The following BCAP29 variants were observed in gnomAD, a reference collection of about 807,000 sequenced individuals.
BCAP29 encodes the protein B-cell receptor-associated protein 29.
BCAP29 carries 34 observed loss-of-function variants against 31.8 expected under a neutral mutation model. The observed-to-expected ratio is 1.07, with a 90% confidence interval of 0.81 to 1.42. The LOEUF is 1.42. Among genes scored for constraint, BCAP29 ranks in the 40% most tolerant of loss-of-function variants. The pLI is 0.00. For synonymous variants in BCAP29, 104 were observed against 91.3 expected (o/e 1.14, Z -0.79); for missense variants, 314 against 269.2 (o/e 1.17, Z -1.16).
At chr7:107,595,768 C>T in intron 4 of BCAP29, 99 bp from the exon 5 acceptor site, 1 of 1,302,944 alleles carries the variant, frequency 7.7e-7, no homozygotes, top group Non-Finnish European at 1.1e-6. Flanking sequence ...TCTGCCACCA[C>T]CACACCTATA....
At chr7:107,612,437 A>ATATT (rs1554480153) in intron 6 of BCAP29, among the ~76,000 whole-genome samples, 2,779 of 112,216 alleles carry the variant, frequency 0.025, 146 homozygotes, top group Non-Finnish European at 0.036. Flanking sequence ...ATATATATAT[A>ATATT]TATTTATTTT....
chr7:107,583,300 T>A (rs3801949), intron 2 of BCAP29, among the ~76,000 whole-genome samples: 6,081 of 150,340 alleles, frequency 0.04, 302 homozygotes, highest in African/African-American at 0.11. Flanking sequence ...TTACATGGTT[T>A]TATATATATA....
intron 6 of BCAP29, among the ~76,000 whole-genome samples, chr7:107,608,100 A>G (rs1027375205): frequency 1.3e-5 from 2 of 151,970 alleles, no homozygotes; most frequent in African/African-American, 4.8e-5. Flanking sequence ...CTGAACTGTA[A>G]AGTTCCTCTT....
chr7:107,582,971 G>T (rs1806972087), intron 2 of BCAP29, among the ~76,000 whole-genome samples: 2 of 152,040 alleles, frequency 1.3e-5, no homozygotes, highest in African/African-American at 4.8e-5. Context: ...CCAATTTCAA[G>T]TAGTTACTTG....
At chr7:107,618,278 A>T in intron 7 of BCAP29, 50 bp from the exon 8 acceptor site, 2 of 1,310,248 alleles carry the variant, frequency 1.5e-6, no homozygotes, top group Non-Finnish European at 2.1e-6. Context: ...CATGTCTATG[A>T]ATCTGTTTCT....
At chr7:107,617,125 A>G (rs915857432) in intron 7 of BCAP29, among the ~76,000 whole-genome samples, 2 of 152,162 alleles carry the variant, frequency 1.3e-5, no homozygotes, top group African/African-American at 4.8e-5. Context: ...CCTCTATGGT[A>G]AAAAGCTCTA....
downstream of BCAP29, chr7:107,621,901 A>G (rs749419766): frequency 1.9e-6 from 1 of 534,760 alleles, no homozygotes; most frequent in East Asian, 5.4e-5. Flanking sequence ...TACTGCTGCC[A>G]TAGTAAATTA....
intron 6 of BCAP29, among the ~76,000 whole-genome samples, chr7:107,609,719 A>G (rs1812791445): frequency 6.6e-6 from 1 of 152,218 alleles, no homozygotes; most frequent in Non-Finnish European, 1.5e-5. Context: ...GCATTACTGT[A>G]GATTAACAAT....
At chr7:107,584,022 T>A (rs1208108166) in intron 3 of BCAP29, 40 bp downstream of exon 3, 1 of 1,144,900 alleles carries the variant, frequency 8.7e-7, no homozygotes, top group Non-Finnish European at 1.2e-6. Context: ...TATAACTTTT[T>A]TTAAATGAAT....
chr7:107,584,434 C>A (rs891826152), intron 3 of BCAP29, among the ~76,000 whole-genome samples: 2 of 152,114 alleles, frequency 1.3e-5, no homozygotes, highest in South Asian at 4.1e-4. Context: ...CATGGCCGGG[C>A]GAGGTGGCTC....
chr7:107,600,138 A>G, intron 5 of BCAP29: 1 of 447,652 alleles, frequency 2.2e-6, no homozygotes, highest in Non-Finnish European at 4.1e-6. Flanking sequence ...TTTTGAGAAT[A>G]TTATTTTAAT....
At chr7:107,586,728 CTTT>C (rs763602838) in intron 3 of BCAP29, among the ~76,000 whole-genome samples, 3 of 131,562 alleles carry the variant, frequency 2.3e-5, no homozygotes, top group Non-Finnish European at 3.3e-5. Context: ...TGTATTTATT[CTTT>C]TTTTTTTTTT....
In BCAP29 at chr7:107,580,268, G is replaced by C. The variant is rs565122186; in HGVS notation, c.-48G>C. On this transcript the variant is annotated 5_prime_UTR_variant, in exon 1 of 8. Transcript: ENST00000005259. The stretch of plus-strand genomic sequence containing the variant: ...GACGTCCCGCGCGTCGGCGGCCGCG[G>C]AGCAGCGCAGGGAGCCAGGCGGGCT... 8 of 152,030 alleles carry C rather than the reference G, an allele frequency of 5.3e-5. No individual in the cohort carries two copies. The highest frequency in any genetic ancestry group is 1.9e-4 in the African/African-American group (8 of 41,532). The allele number at this position is 152,030 out of a possible 1,614,324, so 9.4% of individuals were successfully genotyped here. A position where few individuals can be genotyped will look rare whatever the true frequency, so the allele number is the denominator to read the frequency against.
chr7:107,587,783 T>TA (rs1807980254), intron 3 of BCAP29: 1 of 151,708 alleles, frequency 6.6e-6, no homozygotes, highest in African/African-American at 2.4e-5. Context: ...CTAATTTATA[T>TA]AGAAAAATTA....
At chr7:107,602,972 T>A (rs1333411037) in intron 6 of BCAP29, among the ~76,000 whole-genome samples, 1 of 136,024 alleles carries the variant, frequency 7.4e-6, no homozygotes, top group Admixed American at 7.3e-5. Flanking sequence ...TTCTTTTTTT[T>A]TTTTTTTTTT....
downstream of BCAP29, chr7:107,622,082 G>C: frequency 2.4e-6 from 1 of 425,138 alleles, no homozygotes; most frequent in African/African-American, 2.1e-5. Context: ...ACTGTATTTT[G>C]CCATTGTCGT....
chr7:107,620,812 A>C (rs1814894091), downstream of BCAP29: 2 of 152,172 alleles, frequency 1.3e-5, no homozygotes. Context: ...TATTTTTCCT[A>C]GTATGCTGAG....
downstream of BCAP29, chr7:107,621,339 C>T (rs1814953973): frequency 5.5e-6 from 1 of 181,404 alleles, no homozygotes; most frequent in Non-Finnish European, 1.2e-5. Flanking sequence ...CTTTTTCTAA[C>T]ATTTCTTTGC....
At chr7:107,599,295 A>ATATATATAATTTATATATATATAT (rs1563134201) in intron 5 of BCAP29, among the ~76,000 whole-genome samples, 1 of 23,366 alleles carries the variant, frequency 4.3e-5, no homozygotes, top group African/African-American at 1.4e-4. Flanking sequence ...TTATATATAA[A>ATATATATAATTTATATATATATAT]TTATATATAA....
Sources: gnomAD v4.1 joint callset for allele counts (sites outside exome capture counted in the v4.1 genomes callset) on GRCh38, gnomAD v4.1.1 for gene constraint, MANE v1.5 for transcripts, NCBI Gene and HGNC (gene_info 2026-07-23, HGNC 2026-07-21) for gene names.